ATP2B1: variants seen among roughly 807,000 people sequenced by gnomAD.
ATP2B1 encodes the protein plasma membrane calcium-transporting ATPase 1.
Under a neutral mutation model 124.2 loss-of-function variants are expected in ATP2B1, and 14 were observed. The ratio of observed to expected loss-of-function variants is 0.11; its 90% CI spans 0.07 to 0.18. The LOEUF (loss-of-function observed/expected upper bound fraction) is 0.18, where lower values mean the gene tolerates loss of function less well. Ranked by LOEUF, ATP2B1 falls within the 10% of genes least tolerant of loss-of-function variation. The pLI, the probability that ATP2B1 is intolerant of heterozygous loss-of-function variation, is 1.00. For synonymous variants in ATP2B1, 449 were observed against 492.4 expected (o/e 0.91, Z 1.17); for missense variants, 763 against 1,466.1 (o/e 0.52, Z 7.83).
chr12:89,699,296 G>T (rs1593013594), intron 1 of ATP2B1, among the ~76,000 whole-genome samples: 1 of 152,220 alleles, frequency 6.6e-6, no homozygotes, highest in South Asian at 2.1e-4. Context: ...TATATGTTTG[G>T]CAAGAGGCAG....
At chr12:89,639,932 C>G (rs1213022037) in intron 3 of ATP2B1, among the ~76,000 whole-genome samples, 1 of 152,162 alleles carries the variant, frequency 6.6e-6, no homozygotes, top group Non-Finnish European at 1.5e-5. Flanking sequence ...TCTGCTAACT[C>G]AATTCTAGAA....
chr12:89,629,047 G>A (rs1881409487), intron 6 of ATP2B1, among the ~76,000 whole-genome samples: 1 of 152,090 alleles, frequency 6.6e-6, no homozygotes, highest in Non-Finnish European at 1.5e-5. Context: ...TAATTTCTGG[G>A]GAATGTTCTA....
Position 89,594,665 on chromosome 12 carries a change from A to C in ATP2B1, c.3352-3370T>G, listed in dbSNP as rs1425937062. Reference sequence around the variant, plus strand: ...AAAAACTGAAGTGATTATCATAATCATGAATTTTAAGAAACTGAAAATGAT... The same window carrying C: ...AAAAACTGAAGTGATTATCATAATCCTGAATTTTAAGAAACTGAAAATGAT... On this transcript the variant is annotated intron_variant, in intron 20 of 20. Coordinates refer to ENST00000428670, the MANE Select transcript of ATP2B1 (RefSeq NM_001366521.1). The C allele has an allele frequency of 2.0e-5, 3 of 151,944 alleles. No individual in the cohort carries two copies. In the East Asian group the frequency reaches 5.8e-4, roughly 29 times the overall value. 9.4% of individuals were successfully genotyped at this position (151,944 alleles called of 1,614,324 possible).
chr12:89,645,477 A>C (rs1015167312), intron 2 of ATP2B1, among the ~76,000 whole-genome samples: 38 of 152,338 alleles, frequency 2.5e-4, no homozygotes, highest in South Asian at 6.2e-4. Context: ...AATTAAAATA[A>C]CTACAGACAA....
intron 20 of ATP2B1, among the ~76,000 whole-genome samples, chr12:89,595,962 G>A (rs939879008): frequency 7.9e-5 from 12 of 151,962 alleles, no homozygotes; most frequent in Non-Finnish European, 8.8e-5. Flanking sequence ...AGCCACATGG[G>A]CCCAGAAACT....
rs763596930 is a variant in ATP2B1 at position 89,601,353 on chromosome 12, T to G, written c.3141A>C (p.Leu1047=). ...SIEQWLWSIF[L]GMGTLLWGQL... Reference sequence around the variant, plus strand: ...GGCCCCAGAGTAATGTTCCCATTCCTAGGAATATTGACCATAGCCACTGTT... The same window carrying G: ...GGCCCCAGAGTAATGTTCCCATTCCGAGGAATATTGACCATAGCCACTGTT... Residue 1047 remains leucine, a synonymous_variant, in exon 19 of 21, where the codon CTA becomes CTC. Coordinates refer to ENST00000428670, the MANE Select transcript of ATP2B1 (RefSeq NM_001366521.1). 41 of 1,577,576 alleles carry G rather than the reference T, an allele frequency of 2.6e-5. No individual in the cohort carries two copies. The highest frequency in any genetic ancestry group is 3.4e-5 in the Non-Finnish European group (40 of 1,169,604).
rs769648083 is a variant in ATP2B1 at position 89,630,591 on chromosome 12, T to C, written c.842A>G (p.Asn281Ser). The C allele has an allele frequency of 5.0e-6, 8 of 1,602,742 alleles. No individual in the cohort carries two copies. The highest frequency in any genetic ancestry group is 1.7e-5 in the Admixed American group (1 of 59,056). ...GRMVVTAVGV[N>S]SQTGIIFTLL... is the part of the protein sequence containing the mutation. ...GGTAAAGATAATTCCAGTTTGAGAA[T>C]TTACACCTACAGCTGTAACTACCAT... Residue 281 changes from asparagine to serine, a missense_variant, in exon 6 of 21, where the codon AAT becomes AGT. Coordinates refer to ENST00000428670, the MANE Select transcript of ATP2B1 (RefSeq NM_001366521.1).
At position 89,611,233 on chromosome 12, in the gene ATP2B1, C is replaced by T; in HGVS notation, c.2207G>A (p.Gly736Asp). The change falls in exon 13 of 21, where the codon GGT becomes GAT. Residue 736 changes from glycine to aspartate, a missense_variant. Physicochemically the swap from Gly to Asp is moderately conservative, Grantham distance 94 (BLOSUM62 -1). Transcript: ENST00000428670. Reference sequence around the variant, plus strand: ...TCGTATTCTTCTGTTAAAATCTTTACCTTCTAGGCACAGAAAATCTTCCCC... The same window carrying T: ...TCGTATTCTTCTGTTAAAATCTTTATCTTCTAGGCACAGAAAATCTTCCCC... ...HPGEDFLCLE[G>D]KDFNRRIRNE... The T allele has an allele frequency of 6.2e-7, 1 of 1,607,682 alleles. No homozygotes were observed. The highest frequency in any genetic ancestry group is 8.5e-7 in the Non-Finnish European group (1 of 1,178,030).
At chr12:89,666,503 A>T (rs1887335072) in intron 1 of ATP2B1, among the ~76,000 whole-genome samples, 1 of 152,184 alleles carries the variant, frequency 6.6e-6, no homozygotes, top group African/African-American at 2.4e-5. Context: ...CTGACCTTCA[A>T]GTTCAAAGGT....
At position 89,676,155 on chromosome 12, in the gene ATP2B1, G is replaced by T. The variant is rs181960596; in HGVS notation, c.-221-20048C>A. Among the ~76,000 whole-genome samples the T allele has an allele frequency of 2.8e-3, 432 of 152,244 alleles. 2 individuals are homozygous for T. The highest frequency in any genetic ancestry group is 2.8e-3 in the Non-Finnish European group (189 of 68,010). On this transcript the variant is annotated intron_variant, in intron 1 of 20. Coordinates refer to ENST00000428670, the MANE Select transcript of ATP2B1 (RefSeq NM_001366521.1). ...ACCTCCCAATCTCCTCTCTCCCATT[G>T]TAGGTGCTCCTGAGAGGCTCTGGGA... is the stretch of plus-strand genomic sequence containing the variant.
At chr12:89,634,748 A>T (rs370994692) in intron 5 of ATP2B1, 30 bp downstream of exon 5, 173 of 1,544,452 alleles carry the variant, frequency 1.1e-4, no homozygotes, top group Non-Finnish European at 1.4e-4. Context: ...GAAAGAGGAA[A>T]GTGTTCAAAG....
At chr12:89,597,616 C>T (rs1055342729) in intron 20 of ATP2B1, among the ~76,000 whole-genome samples, 21 of 152,154 alleles carry the variant, frequency 1.4e-4, no homozygotes, top group African/African-American at 4.3e-4. Flanking sequence ...TCTAGTCCTT[C>T]GCTGGCTGGA....
chr12:89,707,190 T>G (rs529624865), intron 1 of ATP2B1, among the ~76,000 whole-genome samples: 19 of 152,068 alleles, frequency 1.2e-4, no homozygotes, highest in Admixed American at 2.0e-4. Flanking sequence ...ACAGGGAGTC[T>G]CGGGAAGGCT....
chr12:89,648,350 A>G (rs79676217), intron 2 of ATP2B1, among the ~76,000 whole-genome samples: 1 of 152,340 alleles, frequency 6.6e-6, no homozygotes, highest in South Asian at 2.1e-4. Context: ...ACTTACTGGG[A>G]ACTGGAACAA....
At chr12:89,626,176 G>C (rs986339711) in intron 8 of ATP2B1, among the ~76,000 whole-genome samples, 2 of 152,190 alleles carry the variant, frequency 1.3e-5, no homozygotes, top group Admixed American at 1.3e-4. Context: ...CTCACAGGTT[G>C]CCTTTTCTCC....
rs1817239514 is a variant in ATP2B1 at position 89,655,673 on chromosome 12, A to T, written c.208+6T>A. ...AAGAACCAAAAACAAGCATAATAAA[A>T]CTCACCTTCATTGGGAGATGTTTTC... On this transcript the variant is annotated splice_donor_region_variant and intron_variant, in intron 2 of 20. Coordinates refer to ENST00000428670, the MANE Select transcript of ATP2B1 (RefSeq NM_001366521.1). 8 of 1,612,510 alleles carry T rather than the reference A, an allele frequency of 5.0e-6. 1 individual carries two copies. In the Admixed American group the frequency reaches 1.2e-4, roughly 24 times the overall value.
At chr12:89,661,922 C>T (rs771186286) in intron 1 of ATP2B1, among the ~76,000 whole-genome samples, 4 of 152,188 alleles carry the variant, frequency 2.6e-5, no homozygotes, top group Non-Finnish European at 5.9e-5. Context: ...CCCTACCCCA[C>T]CCAGTCCTCT....
At chr12:89,683,581 A>G (rs1889616300) in intron 1 of ATP2B1, among the ~76,000 whole-genome samples, 1 of 152,204 alleles carries the variant, frequency 6.6e-6, no homozygotes, top group Non-Finnish European at 1.5e-5. Flanking sequence ...ATGTAATTCT[A>G]GCCCGTAACT....
intron 1 of ATP2B1, among the ~76,000 whole-genome samples, chr12:89,687,802 T>TA (rs960222037): frequency 3.9e-5 from 6 of 152,092 alleles, no homozygotes; most frequent in Non-Finnish European, 8.8e-5. Flanking sequence ...TTTAAACGTT[T>TA]AAATCAAACA....
Sources: allele counts gnomAD v4.1 joint callset (sites outside exome capture counted in the v4.1 genomes callset), GRCh38; gene constraint gnomAD v4.1.1; transcripts MANE v1.5; gene names NCBI Gene and HGNC (gene_info 2026-07-23, HGNC 2026-07-21).